ZC3HAV1: variants seen among roughly 807,000 people sequenced by gnomAD.
ZC3HAV1 encodes the protein zinc finger CCCH-type antiviral protein 1.
A neutral mutation model predicts 86.6 loss-of-function variants in ZC3HAV1; 41 were observed. The ratio of observed to expected loss-of-function variants is 0.47; its 90% CI spans 0.37 to 0.61. The LOEUF (loss-of-function observed/expected upper bound fraction) is 0.61. Ranked by LOEUF, ZC3HAV1 falls within the 20% of genes least tolerant of loss-of-function variation. ZC3HAV1 has a pLI of 0.00. For synonymous variants in ZC3HAV1, 421 were observed against 432.1 expected (o/e 0.97, Z 0.32); for missense variants, 964 against 1,141.1 (o/e 0.84, Z 2.24).
Position 139,079,670 on chromosome 7 carries a change from G to A in ZC3HAV1, c.1271C>T (p.Pro424Leu), listed in dbSNP as rs1288935896. ...AGCATTATTATTAAAAAGAGGGCCAGGCTGGATGTCCTGAGTTCCACTTTT... is the reference window on the plus strand; with the variant it reads ...AGCATTATTATTAAAAAGAGGGCCAAGCTGGATGTCCTGAGTTCCACTTTT... ...NGKSGTQDIQ[P>L]GPLFNNNADG... The change falls in exon 4 of 13, where the codon CCT becomes CTT. Residue 424 changes from proline to leucine, a missense_variant. By Grantham distance (98) the Pro-to-Leu change is moderately conservative. Coordinates refer to ENST00000242351, the MANE Select transcript of ZC3HAV1 (RefSeq NM_020119.4). 3.7e-6 allele frequency: 6 copies of A among 1,614,150 alleles called. No individual in the cohort carries two copies. Among genetic ancestry groups the A allele is most frequent in the Non-Finnish European group, 5.1e-6 (6 of 1,180,028 alleles).
At chr7:139,077,840 G>T (rs1430766699) in intron 5 of ZC3HAV1, among the ~76,000 whole-genome samples, 2 of 152,210 alleles carry the variant, frequency 1.3e-5, no homozygotes, top group Non-Finnish European at 2.9e-5. Context: ...TTTAGACACT[G>T]CAGGGACACC....
At position 139,100,736 on chromosome 7, in the gene ZC3HAV1, C is replaced by A. The variant is rs1817727061; in HGVS notation, c.308+8288G>T. 2.0e-5 allele frequency among the ~76,000 whole-genome samples: 3 copies of A among 150,972 alleles called. No individual in the cohort carries two copies. The South Asian group carries it at 6.4e-4, about 32-fold the overall frequency. ...AACAATTTGGCATTATCACATAAAA[C>A]TTTAAGAATCAAAATTCCACTCTCC... On this transcript the variant is annotated intron_variant, in intron 1 of 12. Transcript: ENST00000242351.
intron 1 of ZC3HAV1, among the ~76,000 whole-genome samples, chr7:139,096,650 G>A (rs547014785): frequency 1.1e-4 from 17 of 152,258 alleles, no homozygotes; most frequent in African/African-American, 4.1e-4. Flanking sequence ...CTCTGAGAAA[G>A]ATCACTTAAA....
At chr7:139,065,896 T>C (rs1010796895) in intron 7 of ZC3HAV1, among the ~76,000 whole-genome samples, 1 of 151,556 alleles carries the variant, frequency 6.6e-6, no homozygotes, top group African/African-American at 2.4e-5. Flanking sequence ...CAAGACTCTG[T>C]CAAAAAAAGA....
chr7:139,102,953 T>G (rs925654699), intron 1 of ZC3HAV1, among the ~76,000 whole-genome samples: 41 of 137,576 alleles, frequency 3.0e-4, no homozygotes, highest in Non-Finnish European at 4.9e-4. Flanking sequence ...TGTATATGTA[T>G]ATGTATATGT....
At chr7:139,055,150 A>G (rs1816246551) in intron 10 of ZC3HAV1, 55 bp downstream of exon 10, 1 of 1,477,410 alleles carries the variant, frequency 6.8e-7, no homozygotes, top group Non-Finnish European at 9.4e-7. Flanking sequence ...CTTGTAGCAA[A>G]GTACTTTTTC....
rs1183885767 is a variant in ZC3HAV1 at position 139,097,401 on chromosome 7, C to CAT, written c.309-7644_309-7643dup. Among the ~76,000 whole-genome samples, 625 of 63,766 alleles carry CAT rather than the reference C, an allele frequency of 9.8e-3. 7 individuals carry two copies. The highest frequency in any genetic ancestry group is 0.025 in the East Asian group (40 of 1,620). 41.8% of individuals were successfully genotyped at this position (63,766 alleles called of 152,430 possible). On this transcript the variant is annotated intron_variant, in intron 1 of 12. Coordinates refer to ENST00000242351, the MANE Select transcript of ZC3HAV1 (RefSeq NM_020119.4). ...TGGATGGAAACAAATATTGGAACTC[C>CAT]ATATATATATATATATATATATATA...
chr7:139,070,129 A>C (rs1310061950), intron 7 of ZC3HAV1, among the ~76,000 whole-genome samples: 1 of 152,016 alleles, frequency 6.6e-6, no homozygotes, highest in African/African-American at 2.4e-5. Flanking sequence ...GAGCCAATTC[A>C]ATTTATATAA....
At position 139,108,638 on chromosome 7, in the gene ZC3HAV1, T is replaced by C. The variant is rs539432270; in HGVS notation, c.308+386A>G. ...GTAGTAGGGAGGGAAAGACTCAAGA[T>C]ACCAAAGACGGGAGGCTCTTTCCTT... On this transcript the variant is annotated intron_variant, in intron 1 of 12. Transcript: ENST00000242351. The surrounding 1 kb of genome is among the most constrained non-coding windows in gnomAD (Gnocchi z 4.2). Among the ~76,000 whole-genome samples, 10 of 152,216 alleles carry C rather than the reference T, an allele frequency of 6.6e-5. No individual in the cohort carries two copies. The East Asian group carries it at 1.9e-3, about 29-fold the overall frequency.
chr7:139,063,027 C>CAAAAAAAAA (rs58859916), intron 8 of ZC3HAV1, among the ~76,000 whole-genome samples: 16 of 68,044 alleles, frequency 2.4e-4, no homozygotes, highest in Non-Finnish European at 3.7e-4. Context: ...GACTCTGTCT[C>CAAAAAAAAA]AAAAAAAAAA....
At chr7:139,061,208 T>C in intron 8 of ZC3HAV1, 70 bp from the exon 9 acceptor site, 2 of 1,459,600 alleles carry the variant, frequency 1.4e-6, no homozygotes, top group Non-Finnish European at 1.9e-6. Flanking sequence ...TCTTGTTATT[T>C]TGCAGAGGCT....
intron 1 of ZC3HAV1, among the ~76,000 whole-genome samples, chr7:139,102,081 C>T (rs978691189): frequency 1.3e-5 from 2 of 151,486 alleles, no homozygotes; most frequent in Non-Finnish European, 2.9e-5. Context: ...GAAGCATATA[C>T]CAAAATGTTC....
At chr7:139,054,479 T>A (rs1193400694) in intron 10 of ZC3HAV1, among the ~76,000 whole-genome samples, 1 of 152,234 alleles carries the variant, frequency 6.6e-6, no homozygotes, top group East Asian at 1.9e-4. Context: ...TAGGAATAGT[T>A]GTGATCCAAC....
At chr7:139,063,377 G>GT (rs1056296099) in intron 8 of ZC3HAV1, among the ~76,000 whole-genome samples, 12 of 151,798 alleles carry the variant, frequency 7.9e-5, no homozygotes, top group African/African-American at 1.4e-4. Flanking sequence ...TGATTTTTGT[G>GT]TTTTTTTTAA....
chr7:139,098,840 AC>A (rs1461756735), intron 1 of ZC3HAV1, among the ~76,000 whole-genome samples: 1 of 152,040 alleles, frequency 6.6e-6, no homozygotes, highest in East Asian at 1.9e-4. Context: ...GAAACCTTTT[AC>A]CCCTTTTTCA....
intron 9 of ZC3HAV1, among the ~76,000 whole-genome samples, chr7:139,058,069 C>A (rs956927322): frequency 6.6e-5 from 10 of 152,056 alleles, no homozygotes; most frequent in Admixed American, 2.0e-4. Flanking sequence ...CAGGATAGTA[C>A]CCCAGCCCTT....
chr7:139,083,817 G>C lies in ZC3HAV1; in HGVS notation c.660C>G (p.Asn220Lys). 1 of 1,613,492 alleles carries C rather than the reference G, an allele frequency of 6.2e-7. No homozygotes were observed. The highest frequency in any genetic ancestry group is 8.5e-7 in the Non-Finnish European group (1 of 1,179,750). ...DVVQNIQDIC[N>K]SKHMQKNPPG... ...GGGGATTCTTCTGCATGTGCTTGCT[G>C]TTGCAGATGTCCTGGATGTTCTGGA... is the stretch of plus-strand genomic sequence containing the variant. Residue 220 changes from asparagine to lysine, a missense_variant, in exon 3 of 13, where the codon AAC becomes AAG. Transcript: ENST00000242351.
intron 7 of ZC3HAV1, among the ~76,000 whole-genome samples, chr7:139,072,709 C>A (rs762334916): frequency 2.6e-5 from 4 of 152,112 alleles, no homozygotes; most frequent in Admixed American, 6.6e-5. Flanking sequence ...CTTCTAGTTC[C>A]AGTCCTTTAA....
rs1260947661 is a variant in ZC3HAV1 at position 139,053,473 on chromosome 7, AGTTTCAT to A, written c.2420_2426del (p.His807LeufsTer34). 6.3e-6 allele frequency: 10 copies of A among 1,597,706 alleles called. No individual in the cohort carries two copies. Among genetic ancestry groups the A allele is most frequent in the Non-Finnish European group, 8.5e-6 (10 of 1,173,846 alleles). On this transcript the variant is annotated frameshift_variant, in exon 12 of 13. Coordinates refer to ENST00000242351, the MANE Select transcript of ZC3HAV1 (RefSeq NM_020119.4). LOFTEE classifies it low-confidence loss of function (END_TRUNC). ...AACCTTTTCCGTATTTGTTTTCATG[AGTTTCAT>A]GTAGGAAACTGTCAAAATTATTCGA...
Sources: gnomAD v4.1 joint callset for allele counts (sites outside exome capture counted in the v4.1 genomes callset) on GRCh38, gnomAD v4.1.1 for gene constraint, Gnocchi (gnomAD v3.1) non-coding constraint, MANE v1.5 for transcripts, NCBI Gene and HGNC (gene_info 2026-07-23, HGNC 2026-07-21) for gene names.